Variants in PHLDB3 observed in about 807,000 individuals in gnomAD.
The protein encoded by PHLDB3 is pleckstrin homology like domain family B member 3.
PHLDB3 carries 86 observed loss-of-function variants against 85.7 expected under a neutral mutation model. The observed-to-expected ratio is 1.00, with a 90% CI of 0.84 to 1.20. The LOEUF (loss-of-function observed/expected upper bound fraction) is 1.20. PHLDB3 is among the 50% of genes most tolerant of loss of function. The pLI is 0.00. For synonymous variants in PHLDB3, 376 were observed against 349.8 expected (o/e 1.07, Z -0.83); for missense variants, 995 against 873.0 (o/e 1.14, Z -1.76).
Position 43,502,122 on chromosome 19 carries a change from C to T in PHLDB3, c.375G>A (p.Gln125=). 6.3e-7 allele frequency: 1 copy of T among 1,577,068 alleles called. No individual in the cohort carries two copies. The part of the protein sequence containing the change: ...MEQRVKELQR[Q]RKELRIEMEV... ...TCACCTCGATCCTCAGCTCCTTCCT[C>T]TGGCGCTGTAGCTCCTTCACTCGCT... is the stretch of plus-strand genomic sequence containing the variant. Residue 125 remains glutamine, a synonymous_variant, in exon 3 of 16, where the codon CAG becomes CAA. Transcript: ENST00000292140.
chr19:43,498,190 T>A (rs1971509246), intron 4 of PHLDB3, among the ~76,000 whole-genome samples: 1 of 151,768 alleles, frequency 6.6e-6, no homozygotes, highest in African/African-American at 2.4e-5. Context: ...AACAAAAAAA[T>A]TAGTGGAGTG....
chr19:43,503,883 G>T (rs1259246998), intron 2 of PHLDB3, 23 bp downstream of exon 2: 1 of 1,613,018 alleles, frequency 6.2e-7, no homozygotes, highest in African/African-American at 1.3e-5. Context: ...AGCCCCCCGC[G>T]CTGTCGCCCT....
At chr19:43,494,981 G>A (rs1971409560) in intron 8 of PHLDB3, among the ~76,000 whole-genome samples, 166 bp from the exon 9 acceptor site, 1 of 151,036 alleles carries the variant, frequency 6.6e-6, no homozygotes, top group Admixed American at 6.7e-5. Context: ...ATGTAGGGCT[G>A]TGGGCAGAGA....
intron 14 of PHLDB3, 50 bp downstream of exon 14, chr19:43,479,327 G>A (rs372476448): frequency 9.5e-5 from 145 of 1,527,856 alleles, no homozygotes; most frequent in Non-Finnish European, 1.1e-4. Context: ...AAAGGCCTCC[G>A]GAGTGGAATT....
At chr19:43,479,227 G>T in intron 14 of PHLDB3, 150 bp downstream of exon 14, 1 of 752,322 alleles carries the variant, frequency 1.3e-6, no homozygotes, top group Non-Finnish European at 2.1e-6. Context: ...GGACTCCTGG[G>T]TTGTAGGGAA....
chr19:43,503,940 C>CCCACTTCTTCTT lies in PHLDB3; in HGVS notation c.167_178dup (p.Glu56_Val59dup). 5.0e-6 allele frequency: 8 copies of CCCACTTCTTCTT among 1,613,916 alleles called. No individual in the cohort carries two copies. Among genetic ancestry groups the CCCACTTCTTCTT allele is most frequent in the Non-Finnish European group, 6.8e-6 (8 of 1,179,812 alleles). ...GCTGCTCTCAGTGCTGCTGCCTTCT[C>CCCACTTCTTCTT]CCACTTCTTCTTCCTCTGCCTGCTG... On this transcript the variant is annotated inframe_insertion, in exon 2 of 16. Transcript: ENST00000292140.
chr19:43,503,052 G>A (rs113132317), intron 2 of PHLDB3, among the ~76,000 whole-genome samples: 2 of 151,962 alleles, frequency 1.3e-5, no homozygotes, highest in African/African-American at 4.8e-5. Flanking sequence ...TCCCTCTCTC[G>A]AGGTTTTTGT....
At chr19:43,501,506 C>A (rs1275709516) in intron 4 of PHLDB3, 3 of 797,756 alleles carry the variant, frequency 3.8e-6, no homozygotes, top group Admixed American at 3.1e-5. Context: ...TTTTACACAC[C>A]CACATTTAAA....
At chr19:43,486,215 G>A (rs1396614636) in intron 13 of PHLDB3, 51 bp downstream of exon 13, 2 of 1,572,386 alleles carry the variant, frequency 1.3e-6, no homozygotes, top group East Asian at 2.3e-5. Context: ...ATAGGTCAGG[G>A]GGAGAAACAG....
chr19:43,485,541 AAC>A (rs1451424356), intron 13 of PHLDB3, among the ~76,000 whole-genome samples: 2 of 149,938 alleles, frequency 1.3e-5, no homozygotes, highest in South Asian at 2.1e-4. Flanking sequence ...TAAAAATAAA[AAC>A]AGTTTTTTGG....
chr19:43,486,309 C>T lies in PHLDB3; in HGVS notation c.1442G>A (p.Arg481Lys). 2.5e-6 allele frequency: 4 copies of T among 1,606,924 alleles called. No homozygotes were observed. The highest frequency in any genetic ancestry group is 1.3e-5 in the African/African-American group (1 of 75,010). The change falls in exon 13 of 16, where the codon AGG (arginine) becomes AAG (lysine). Residue 481 changes from arginine (R) to lysine (K), a missense_variant. Coordinates refer to ENST00000292140, the MANE Select transcript of PHLDB3 (RefSeq NM_198850.4). ...AGGGCCTGAGGAACCTTCCGTGCCC[C>T]TTCTTGTTCCTTCCTGTGGATTCAG... ...RLLKAREGTR[R>K]GTEGSSGPAV...
At position 43,497,148 on chromosome 19, in the gene PHLDB3, C is replaced by T; in HGVS notation, c.795G>A (p.Gln265=). ...PGPQVPDPKV[Q]ELQASMAQHR... Reference sequence around the variant, plus strand: ...GCTGCGCCATGCTGGCCTGGAGTTCCTGGACCTTGGGGTCTGGCACCTGGG... The same window carrying T: ...GCTGCGCCATGCTGGCCTGGAGTTCTTGGACCTTGGGGTCTGGCACCTGGG... Residue 265 remains glutamine, a synonymous_variant, in exon 6 of 16, where the codon CAG becomes CAA. Transcript: ENST00000292140. 2 of 1,551,680 alleles carry T rather than the reference C, an allele frequency of 1.3e-6. No individual in the cohort carries two copies. Among genetic ancestry groups the T allele is most frequent in the Non-Finnish European group, 1.7e-6 (2 of 1,152,690 alleles).
At chr19:43,495,769 A>AAAAG (rs1374783066) in intron 6 of PHLDB3, 149 bp from the exon 7 acceptor site, 878 of 1,127,820 alleles carry the variant, frequency 7.8e-4, no homozygotes, top group South Asian at 1.7e-3. Context: ...CCCAGCGTTC[A>AAAAG]GCTCCCTGGA....
At chr19:43,491,019 A>G (rs1971300449) in intron 9 of PHLDB3, among the ~76,000 whole-genome samples, 1 of 152,244 alleles carries the variant, frequency 6.6e-6, no homozygotes, top group Non-Finnish European at 1.5e-5. Flanking sequence ...CCAGGAGCTA[A>G]GCAATGATCC....
At chr19:43,480,236 G>A (rs1971015325) in intron 13 of PHLDB3, among the ~76,000 whole-genome samples, 2 of 142,710 alleles carry the variant, frequency 1.4e-5, no homozygotes, top group Admixed American at 1.5e-4. Context: ...AAACCAGCCT[G>A]GGCAACACAG....
Position 43,487,017 on chromosome 19 carries a change from T to A in PHLDB3, c.1249+7A>T. The A allele has an allele frequency of 3.2e-6, 5 of 1,546,066 alleles. No individual in the cohort carries two copies. The highest frequency in any genetic ancestry group is 4.4e-6 in the Non-Finnish European group (5 of 1,149,136). On this transcript the variant is annotated splice_region_variant and intron_variant, in intron 10 of 15. Coordinates refer to ENST00000292140, the MANE Select transcript of PHLDB3 (RefSeq NM_198850.4). ...GGGAAGGAAGTGGGGAACAGGGGGA[T>A]CCTCACCAGTACAATGGAAGGACAG...
chr19:43,486,747 T>A (rs769013261), intron 11 of PHLDB3, 33 bp downstream of exon 11: 1 of 1,611,322 alleles, frequency 6.2e-7, no homozygotes, highest in Non-Finnish European at 8.5e-7. Flanking sequence ...GGGCCTCTTC[T>A]TCCATCTCCC....
chr19:43,475,401 C>T lies in PHLDB3; in HGVS notation c.*9G>A. 2 of 1,613,444 alleles carry T rather than the reference C, an allele frequency of 1.2e-6. No individual in the cohort carries two copies. Among genetic ancestry groups the T allele is most frequent in the South Asian group, 1.1e-5 (1 of 91,044 alleles). ...TCGAAGGGACTTCCCCCCAAGAGGG[C>T]GGGGCCACTCAGGGGGCGTGGTTTT... On this transcript the variant is annotated 3_prime_UTR_variant, in exon 16 of 16. Transcript: ENST00000292140.
Position 43,497,128 on chromosome 19 carries a change from G to A in PHLDB3, c.815C>T (p.Ala272Val), listed in dbSNP as rs200158094. The change falls in exon 6 of 16, where the codon GCG (alanine) becomes GTG (valine). Residue 272 changes from alanine (A) to valine (V), a missense_variant. Physicochemically the swap from Ala to Val is moderately conservative, Grantham distance 64 (BLOSUM62 0). Transcript: ENST00000292140. ...TCAGGCATGACTCACTCTGTGCTGC[G>A]CCATGCTGGCCTGGAGTTCCTGGAC... is the stretch of plus-strand genomic sequence containing the variant. ...PKVQELQASMAQHRRGALQHR... is the reference protein window; with the variant it reads ...PKVQELQASMVQHRRGALQHR... The A allele has an allele frequency of 2.9e-4, 444 of 1,532,474 alleles. 5 individuals are homozygous for A. Among genetic ancestry groups the A allele is most frequent in the East Asian group, 7.4e-5 (3 of 40,414 alleles). The allele number at this position is 1,532,474 out of a possible 1,614,324, so 94.9% of individuals were successfully genotyped here.
Sources: allele counts gnomAD v4.1 joint callset (sites outside exome capture counted in the v4.1 genomes callset), GRCh38; gene constraint gnomAD v4.1.1; transcripts MANE v1.5; gene names NCBI Gene and HGNC (gene_info 2026-07-23, HGNC 2026-07-21).